Variants in M1AP observed in about 807,000 individuals in gnomAD.
The protein encoded by M1AP is meiosis 1 associated protein.
A neutral mutation model predicts 51.2 loss-of-function variants in M1AP; 39 were observed. The ratio of observed to expected loss-of-function variants is 0.76; its 90% confidence interval spans 0.59 to 1.00. The LOEUF (loss-of-function observed/expected upper bound fraction) is 1.00. Ranked by LOEUF, M1AP falls within the 50% of genes least tolerant of loss-of-function variation. The probability of loss-of-function intolerance (pLI) is 0.00; values close to 1 mark genes in which losing one functional copy is unlikely to be tolerated. For missense variants in M1AP, 545 were observed against 641.2 expected (o/e 0.85, Z 1.62); for synonymous variants, 251 against 249.2 (o/e 1.01, Z -0.07).
chr2:74,605,663 G>A (rs1680931255), intron 4 of M1AP, among the ~76,000 whole-genome samples: 1 of 152,164 alleles, frequency 6.6e-6, no homozygotes, highest in Non-Finnish European at 1.5e-5. Context: ...CACTTTGGGA[G>A]GCTGAGGCGG....
At chr2:74,578,754 G>A (rs72818094) in intron 5 of M1AP, among the ~76,000 whole-genome samples, 2,379 of 152,238 alleles carry the variant, frequency 0.016, 54 homozygotes, top group Non-Finnish European at 0.021. Context: ...AGAAGCAGCT[G>A]GCATCAGATA....
chr2:74,565,152 G>C (rs2104520511), intron 7 of M1AP, among the ~76,000 whole-genome samples: 1 of 151,490 alleles, frequency 6.6e-6, no homozygotes, highest in African/African-American at 2.4e-5. Flanking sequence ...GAACCCGGGA[G>C]GTGGAGGTTG....
chr2:74,565,496 A>G (rs1232613897), intron 7 of M1AP, among the ~76,000 whole-genome samples: 2 of 152,158 alleles, frequency 1.3e-5, no homozygotes, highest in Non-Finnish European at 2.9e-5. Flanking sequence ...TAACAGAATA[A>G]AGAACAAAAA....
intron 2 of M1AP, among the ~76,000 whole-genome samples, chr2:74,625,478 C>T (rs919873252): frequency 1.6e-4 from 24 of 152,022 alleles, no homozygotes; most frequent in Middle Eastern, 6.8e-3. Flanking sequence ...AAAGCCATTC[C>T]TATTATTTTC....
At chr2:74,585,477 G>A (rs749308830) in intron 4 of M1AP, among the ~76,000 whole-genome samples, 2 of 152,244 alleles carry the variant, frequency 1.3e-5, no homozygotes, top group Non-Finnish European at 1.5e-5. Context: ...GCCTCTCTAT[G>A]AAGGAAAATG....
chr2:74,557,917 A>AT lies in M1AP; in HGVS notation c.*798dup, dbSNP rs1444739393. ...AAAAGTTTTTATTATTTATGTAGAG[A>AT]TGGCGGGGGGGTCTCACAGTGTTGC... On this transcript the variant is annotated 3_prime_UTR_variant, in exon 11 of 11. Transcript: ENST00000421985. 8.5e-6 allele frequency: 1 copy of AT among 118,304 alleles called. No individual in the cohort carries two copies. The highest frequency in any genetic ancestry group is 1.6e-5 in the Non-Finnish European group (1 of 62,600). 7.3% of individuals were successfully genotyped at this position (118,304 alleles called of 1,614,324 possible).
chr2:74,642,114 G>A (rs1371328254), intron 1 of M1AP, among the ~76,000 whole-genome samples: 2 of 152,136 alleles, frequency 1.3e-5, no homozygotes, highest in Admixed American at 6.5e-5. Context: ...ACAGGCGTGA[G>A]CCACGGCACC....
chr2:74,608,662 C>T (rs1257737253), intron 3 of M1AP, among the ~76,000 whole-genome samples: 1 of 152,216 alleles, frequency 6.6e-6, no homozygotes, highest in Non-Finnish European at 1.5e-5. Context: ...AACCATCAAA[C>T]TATCTTTCAA....
chr2:74,634,345 G>T (rs975047872), intron 2 of M1AP, among the ~76,000 whole-genome samples: 2 of 152,300 alleles, frequency 1.3e-5, no homozygotes, highest in Non-Finnish European at 2.9e-5. Flanking sequence ...CTCCCTCTCA[G>T]AAATCCAGGC....
chr2:74,644,536 T>C (rs749704761), intron 1 of M1AP, among the ~76,000 whole-genome samples: 32 of 136,304 alleles, frequency 2.3e-4, no homozygotes, highest in South Asian at 4.5e-4. Flanking sequence ...AGACCCCGTC[T>C]CAAAAAAAAA....
intron 4 of M1AP, among the ~76,000 whole-genome samples, chr2:74,599,781 G>GAC (rs935746986): frequency 4.7e-5 from 7 of 148,654 alleles, no homozygotes; most frequent in African/African-American, 1.3e-4. Context: ...CACACACACA[G>GAC]ACACACACAC....
At chr2:74,647,951 G>T in intron 1 of M1AP, 1 of 900,938 alleles carries the variant, frequency 1.1e-6, no homozygotes, top group Non-Finnish European at 1.3e-6. Flanking sequence ...AAGCCTCCGT[G>T]GTCCCTCGGC....
At chr2:74,623,165 C>T (rs992396087) in intron 2 of M1AP, among the ~76,000 whole-genome samples, 4 of 152,050 alleles carry the variant, frequency 2.6e-5, no homozygotes, top group Non-Finnish European at 5.9e-5. Flanking sequence ...CACTGTATGT[C>T]ATCTCTAATA....
intron 10 of M1AP, 97 bp downstream of exon 10, chr2:74,559,601 C>T: frequency 1.4e-6 from 1 of 705,366 alleles, no homozygotes; most frequent in Non-Finnish European, 2.6e-6. Flanking sequence ...CCTCTTCAAC[C>T]CCAACTGTCT....
intron 7 of M1AP, among the ~76,000 whole-genome samples, chr2:74,563,733 T>A (rs1369050577): frequency 1.3e-5 from 2 of 151,202 alleles, no homozygotes; most frequent in Non-Finnish European, 2.9e-5. Context: ...AGTGCCTCTG[T>A]GGATGATGGG....
chr2:74,575,728 C>T, intron 6 of M1AP, 149 bp from the exon 7 acceptor site: 1 of 634,150 alleles, frequency 1.6e-6, no homozygotes, highest in Non-Finnish European at 2.7e-6. Flanking sequence ...TGGCCAGCAT[C>T]TAGCATAGTA....
At chr2:74,643,863 T>G (rs1199787040) in intron 1 of M1AP, among the ~76,000 whole-genome samples, 1 of 152,194 alleles carries the variant, frequency 6.6e-6, no homozygotes, top group Non-Finnish European at 1.5e-5. Flanking sequence ...CCCAAAGTAC[T>G]GGGATTACAG....
At chr2:74,624,797 T>C (rs1405376894) in intron 2 of M1AP, among the ~76,000 whole-genome samples, 1 of 152,210 alleles carries the variant, frequency 6.6e-6, no homozygotes. Flanking sequence ...CACATCATTA[T>C]AGAGTATTCC....
chr2:74,640,433 T>A, intron 1 of M1AP, 106 bp from the exon 2 acceptor site: 1 of 966,410 alleles, frequency 1.0e-6, no homozygotes, highest in Non-Finnish European at 1.5e-6. Context: ...AGGAGTCAGA[T>A]TGGGTACTAA....
Sources: gnomAD v4.1 joint callset for allele counts (sites outside exome capture counted in the v4.1 genomes callset) on GRCh38, gnomAD v4.1.1 for gene constraint, MANE v1.5 for transcripts, NCBI Gene and HGNC (gene_info 2026-07-23, HGNC 2026-07-21) for gene names.